The following PMM2 variants were observed in gnomAD, a reference collection of about 807,000 sequenced individuals.
PMM2 encodes phosphomannomutase 2.
A neutral mutation model predicts 33.2 loss-of-function variants in PMM2; 35 were observed. The observed-to-expected ratio is 1.06, with a 90% CI of 0.81 to 1.40. PMM2 has a LOEUF of 1.40. Ranked by LOEUF, PMM2 falls within the 40% of genes most tolerant of loss-of-function variation. The probability of loss-of-function intolerance (pLI) is 0.00; values close to 1 mark genes in which losing one functional copy is unlikely to be tolerated. For missense variants in PMM2, 386 were observed against 306.0 expected (o/e 1.26, Z -1.95); for synonymous variants, 153 against 114.7 (o/e 1.33, Z -2.13).
chr16:8,798,887 C>G (rs2060595044), intron 1 of PMM2, among the ~76,000 whole-genome samples: 1 of 152,158 alleles, frequency 6.6e-6, no homozygotes, highest in Non-Finnish European at 1.5e-5. Flanking sequence ...AAGTCCAGGT[C>G]AAATGCGTGT....
chr16:8,842,835 A>G (rs1290911923), intron 7 of PMM2, among the ~76,000 whole-genome samples: 1 of 152,098 alleles, frequency 6.6e-6, no homozygotes, highest in African/African-American at 2.4e-5. Flanking sequence ...GGGATGGGAT[A>G]TTGGCGTTGA....
At chr16:8,832,331 C>A (rs988715948) in intron 7 of PMM2, 1 of 985,342 alleles carries the variant, frequency 1.0e-6, no homozygotes, top group Non-Finnish European at 1.2e-6. Flanking sequence ...AGAGAGGCTC[C>A]TGCAGCCAGG....
At chr16:8,806,281 C>G (rs115791172) in intron 3 of PMM2, 35 bp from the exon 4 acceptor site, 1 of 1,389,264 alleles carries the variant, frequency 7.2e-7, no homozygotes, top group Non-Finnish European at 1.0e-6. Flanking sequence ...AATGCTCCTG[C>G]TAAATCAAGT....
chr16:8,812,607 C>A (rs958220279), intron 6 of PMM2, among the ~76,000 whole-genome samples: 1 of 152,204 alleles, frequency 6.6e-6, no homozygotes, highest in Non-Finnish European at 1.5e-5. Flanking sequence ...ATGCCGGATG[C>A]AACCTGCTTC....
intron 7 of PMM2, among the ~76,000 whole-genome samples, chr16:8,826,692 A>G (rs745577993): frequency 3.3e-5 from 5 of 152,218 alleles, no homozygotes; most frequent in African/African-American, 7.2e-5. Context: ...CTTATTTTTT[A>G]AGCCAATTAA....
chr16:8,832,479 G>A (rs1249878829), intron 7 of PMM2: 2 of 985,322 alleles, frequency 2.0e-6, no homozygotes, highest in African/African-American at 1.7e-5. Flanking sequence ...ACCACGGGAG[G>A]AGACTCGTGC....
chr16:8,817,010 C>T (rs539843957), intron 7 of PMM2, among the ~76,000 whole-genome samples: 3 of 152,270 alleles, frequency 2.0e-5, no homozygotes, highest in Admixed American at 2.0e-4. Context: ...ACTCCAACTC[C>T]TGAGTTCAAG....
intron 7 of PMM2, among the ~76,000 whole-genome samples, chr16:8,827,376 T>A (rs2060774976): frequency 6.6e-6 from 1 of 151,254 alleles, no homozygotes; most frequent in Non-Finnish European, 1.5e-5. Flanking sequence ...AAGGCCTTTT[T>A]TTTATTTTTT....
chr16:8,835,554 G>A (rs541593997), intron 7 of PMM2, among the ~76,000 whole-genome samples: 47 of 152,168 alleles, frequency 3.1e-4, no homozygotes, highest in African/African-American at 9.9e-4. Context: ...GAGGTATTGA[G>A]GACAGGAGAG....
Position 8,797,961 on chromosome 16 carries a change from C to A in PMM2, c.66+13C>A. On this transcript the variant is annotated intron_variant, in intron 1 of 7. Coordinates refer to ENST00000268261, the MANE Select transcript of PMM2 (RefSeq NM_000303.3). ...CGCCCCGCGGCAGGTAAGTGGCGGC[C>A]GGCGGGCTGCTGGCAGCCGACGCGG... 1 of 1,591,722 alleles carries A rather than the reference C, an allele frequency of 6.3e-7. No homozygotes were observed. The highest frequency in any genetic ancestry group is 1.1e-5 in the South Asian group (1 of 88,072).
At chr16:8,832,145 C>T (rs533371057) in intron 7 of PMM2, 3 of 985,436 alleles carry the variant, frequency 3.0e-6, no homozygotes, top group East Asian at 2.3e-4. Context: ...AAGCTCGACA[C>T]AGCCCCAAGA....
chr16:8,839,467 A>G (rs1245128149), intron 7 of PMM2, among the ~76,000 whole-genome samples: 2 of 151,934 alleles, frequency 1.3e-5, no homozygotes, highest in African/African-American at 4.8e-5. Context: ...TTCGATTTTC[A>G]TGGTGTATGA....
chr16:8,844,442 G>C (rs2060910975), intron 7 of PMM2, among the ~76,000 whole-genome samples: 1 of 152,084 alleles, frequency 6.6e-6, no homozygotes, highest in African/African-American at 2.4e-5. Flanking sequence ...CTCTCCCCCA[G>C]AAAAGCGGGA....
chr16:8,846,443 T>C (rs2060925938), intron 7 of PMM2, among the ~76,000 whole-genome samples: 1 of 151,952 alleles, frequency 6.6e-6, no homozygotes, highest in Non-Finnish European at 1.5e-5. Flanking sequence ...ATGAGGGAAA[T>C]AAAGGAATTC....
intron 7 of PMM2, among the ~76,000 whole-genome samples, chr16:8,845,686 C>T (rs896132067): frequency 2.6e-5 from 4 of 151,870 alleles, no homozygotes; most frequent in Non-Finnish European, 5.9e-5. Flanking sequence ...TCAAGTGATT[C>T]TCCTGCCAAG....
chr16:8,833,807 A>G (rs887956647), intron 7 of PMM2, among the ~76,000 whole-genome samples: 2 of 152,200 alleles, frequency 1.3e-5, no homozygotes, highest in African/African-American at 4.8e-5. Context: ...GACCTATGAC[A>G]TCTGATTAGA....
chr16:8,812,905 C>A, intron 6 of PMM2, 86 bp from the exon 7 acceptor site: 1 of 832,756 alleles, frequency 1.2e-6, no homozygotes, highest in Non-Finnish European at 2.1e-6. Flanking sequence ...CACTAACTGA[C>A]AAAAGAGTAA....
intron 7 of PMM2, among the ~76,000 whole-genome samples, chr16:8,847,187 A>C (rs889275026): frequency 3.9e-5 from 6 of 152,128 alleles, no homozygotes; most frequent in Non-Finnish European, 7.3e-5. Flanking sequence ...TTAAATTAAA[A>C]TCAAATTAAC....
chr16:8,841,422 T>C (rs575905782), intron 7 of PMM2, among the ~76,000 whole-genome samples: 11 of 148,304 alleles, frequency 7.4e-5, no homozygotes, highest in African/African-American at 2.7e-4. Context: ...ACTCGGGGCA[T>C]GTTGAGTGAA....
Sources: allele counts gnomAD v4.1 joint callset (sites outside exome capture counted in the v4.1 genomes callset), GRCh38; gene constraint gnomAD v4.1.1; transcripts MANE v1.5; gene names NCBI Gene and HGNC (gene_info 2026-07-23, HGNC 2026-07-21).